VSTM1: variants seen among roughly 807,000 people sequenced by gnomAD.
VSTM1 encodes V-set and transmembrane domain-containing protein 1.
VSTM1 carries 27 observed loss-of-function variants against 33.1 expected under a neutral mutation model. The observed-to-expected ratio is 0.82, with a 90% confidence interval of 0.60 to 1.12. The LOEUF (loss-of-function observed/expected upper bound fraction) is 1.12. VSTM1 is among the 50% of genes most tolerant of loss of function. The pLI is 0.00. For synonymous variants in VSTM1, 115 were observed against 110.3 expected (o/e 1.04, Z -0.27); for missense variants, 304 against 288.9 (o/e 1.05, Z -0.38).
At chr19:54,048,680 A>G (rs1415574086) in intron 4 of VSTM1, among the ~76,000 whole-genome samples, 3 of 152,190 alleles carry the variant, frequency 2.0e-5, no homozygotes, top group Non-Finnish European at 4.4e-5. Flanking sequence ...ACTTCTAGGT[A>G]CATACTCAAG....
intron 4 of VSTM1, among the ~76,000 whole-genome samples, chr19:54,044,107 G>A (rs1235997126): frequency 6.6e-6 from 1 of 152,158 alleles, no homozygotes; most frequent in East Asian, 1.9e-4. Context: ...TTGATGCCAG[G>A]TAATGAACAG....
At chr19:54,041,634 C>A (rs1021896167) in intron 8 of VSTM1, 145 bp downstream of exon 8, 3 of 916,586 alleles carry the variant, frequency 3.3e-6, no homozygotes, top group Non-Finnish European at 4.8e-6. Flanking sequence ...GATTTTGGTT[C>A]CCATTAGGGG....
chr19:54,041,824 A>T lies in VSTM1; in HGVS notation c.554-8T>A. ...TATTGGATAAATCTGCCTCTGAGTG[A>T]GAAAGGAAAAAAAAAAATCAGTTCT... On this transcript the variant is annotated splice_polypyrimidine_tract_variant and splice_region_variant and intron_variant, in intron 7 of 8. Transcript: ENST00000338372. The T allele has an allele frequency of 3.1e-6, 5 of 1,613,112 alleles. No homozygotes were observed. Among genetic ancestry groups the T allele is most frequent in the Non-Finnish European group, 4.2e-6 (5 of 1,179,714 alleles).
At chr19:54,051,286 T>C (rs2070828586) in intron 4 of VSTM1, 124 bp downstream of exon 4, 4 of 914,204 alleles carry the variant, frequency 4.4e-6, no homozygotes, top group Non-Finnish European at 6.6e-6. Flanking sequence ...AGCGAGACTC[T>C]ATCTCAAAAA....
chr19:54,043,425 T>A (rs1213908170), intron 4 of VSTM1, among the ~76,000 whole-genome samples: 2 of 152,114 alleles, frequency 1.3e-5, no homozygotes, highest in Admixed American at 6.6e-5. Context: ...TCTTTTTTTT[T>A]TTTGAGACAA....
At position 54,042,318 on chromosome 19, in the gene VSTM1, A is replaced by G; in HGVS notation, c.446T>C (p.Leu149Pro). The G allele has an allele frequency of 6.2e-7, 1 of 1,613,864 alleles. No homozygotes were observed. Among genetic ancestry groups the G allele is most frequent in the Non-Finnish European group, 8.5e-7 (1 of 1,179,966 alleles). The change falls in exon 5 of 9, where the codon CTC (leucine) becomes CCC (proline). Residue 149 changes from leucine to proline, a missense_variant. By Grantham distance (98) the Leu-to-Pro change is moderately conservative (BLOSUM62 -3). Transcript: ENST00000338372. ...AIFSCISILL[L>P]FLSVFIIYRC... is the part of the protein sequence containing the mutation. ...GTAGATGATGAAGACTGAGAGGAAG[A>G]GGAGAAGGATGGAGATGCAGCTGAA...
intron 1 of VSTM1, among the ~76,000 whole-genome samples, chr19:54,059,856 T>A (rs78181149): frequency 0.19 from 27,348 of 146,500 alleles, 2,842 homozygotes; most frequent in Middle Eastern, 0.24. Context: ...TTTTTTTTTT[T>A]TTATTTTTCG....
intron 8 of VSTM1, among the ~76,000 whole-genome samples, chr19:54,041,371 G>A (rs1211592598): frequency 2.6e-5 from 4 of 151,620 alleles, no homozygotes; most frequent in African/African-American, 7.3e-5. Flanking sequence ...GCGTGATCTC[G>A]GCTCACTGCA....
At chr19:54,061,023 T>TTC (rs1430510311) in intron 1 of VSTM1, among the ~76,000 whole-genome samples, 1 of 145,628 alleles carries the variant, frequency 6.9e-6, no homozygotes, top group African/African-American at 2.5e-5. Context: ...TTTCTTTTTT[T>TTC]TTTTTTTTTT....
intron 4 of VSTM1, among the ~76,000 whole-genome samples, chr19:54,042,816 A>ATATATGTATG (rs66621735): frequency 5.5e-5 from 3 of 54,974 alleles, no homozygotes; most frequent in African/African-American, 1.9e-4. Flanking sequence ...GTATATATAT[A>ATATATGTATG]TATATATATA....
chr19:54,050,095 T>C (rs2070768298), intron 4 of VSTM1, among the ~76,000 whole-genome samples: 1 of 146,882 alleles, frequency 6.8e-6, no homozygotes, highest in Non-Finnish European at 1.5e-5. Context: ...GCCTCCCAGG[T>C]TCAAGCAATT....
chr19:54,049,179 A>G (rs1162330989), intron 4 of VSTM1, among the ~76,000 whole-genome samples: 3 of 152,218 alleles, frequency 2.0e-5, no homozygotes, highest in Admixed American at 6.5e-5. Flanking sequence ...GAAATGAAAC[A>G]TTGATGCATG....
In VSTM1 at chr19:54,042,359, G is replaced by A. The variant is rs1177297711; in HGVS notation, c.405C>T (p.Thr135=). The A allele has an allele frequency of 1.9e-6, 3 of 1,613,520 alleles. No homozygotes were observed. The Admixed American group carries it at 5.0e-5, about 27-fold the overall frequency. ...TGCAGCTGAAGATGGCGACAAAGAT[G>A]GTTCTGGTGTCTGGAGGGGGAAGAG... ...EAPSMKTDTR[T]IFVAIFSCIS... Residue 135 remains threonine (T), a synonymous_variant, in exon 5 of 9, where the codon ACC becomes ACT. Coordinates refer to ENST00000338372, the MANE Select transcript of VSTM1 (RefSeq NM_198481.4).
chr19:54,054,297 G>T (rs181049620), intron 3 of VSTM1, among the ~76,000 whole-genome samples: 1 of 142,300 alleles, frequency 7.0e-6, no homozygotes, highest in Non-Finnish European at 1.6e-5. Flanking sequence ...GGCTTTTAGG[G>T]CTAAAGTGTG....
In VSTM1 at chr19:54,040,927, C is replaced by T; in HGVS notation, c.*34G>A. 3 of 1,602,488 alleles carry T rather than the reference C, an allele frequency of 1.9e-6. No individual in the cohort carries two copies. Among genetic ancestry groups the T allele is most frequent in the East Asian group, 2.3e-5 (1 of 43,668 alleles). On this transcript the variant is annotated 3_prime_UTR_variant, in exon 9 of 9. Transcript: ENST00000338372. ...TTCCGATAACCTTGGCCAGCACGAT[C>T]CCCCCTCCTTTAGTGGCCAGGGCTG...
chr19:54,059,925 G>A (rs560159990), intron 1 of VSTM1, among the ~76,000 whole-genome samples: 3 of 149,700 alleles, frequency 2.0e-5, no homozygotes, highest in South Asian at 4.4e-4. Context: ...TCGGCTCACC[G>A]CAAGCTCTGC....
chr19:54,048,043 C>T (rs1160989747), intron 4 of VSTM1, among the ~76,000 whole-genome samples: 1 of 152,110 alleles, frequency 6.6e-6, no homozygotes, highest in East Asian at 1.9e-4. Context: ...AACATAGAGT[C>T]GTTTTCTAGT....
At chr19:54,059,004 T>C (rs1343701580) in intron 1 of VSTM1, among the ~76,000 whole-genome samples, 1 of 149,498 alleles carries the variant, frequency 6.7e-6, no homozygotes, top group Non-Finnish European at 1.5e-5. Context: ...TTTTGTTCCA[T>C]TGTTTGTCAT....
intron 3 of VSTM1, among the ~76,000 whole-genome samples, chr19:54,052,377 G>GCA (rs1466963199): frequency 7.2e-6 from 1 of 138,498 alleles, no homozygotes; most frequent in South Asian, 2.4e-4. Flanking sequence ...CAGCCTGAGG[G>GCA]ACAGAGCCAG....
Sources: allele counts gnomAD v4.1 joint callset (sites outside exome capture counted in the v4.1 genomes callset), GRCh38; gene constraint gnomAD v4.1.1; transcripts MANE v1.5; gene names NCBI Gene and HGNC (gene_info 2026-07-23, HGNC 2026-07-21).